Variants in GRID2 observed in about 807,000 individuals in gnomAD.
GRID2 encodes glutamate receptor ionotropic, delta-2.
A neutral mutation model predicts 114.8 loss-of-function variants in GRID2; 33 were observed. The ratio of observed to expected loss-of-function variants is 0.29; its 90% CI spans 0.22 to 0.38. GRID2 has a LOEUF of 0.38. Ranked by LOEUF, GRID2 falls within the 10% of genes least tolerant of loss-of-function variation. The pLI is 1.00. For missense variants in GRID2, 1,184 were observed against 1,257.7 expected, an observed-to-expected ratio of 0.94 and a Z score of 0.89; for synonymous variants, 505 against 449.9, an observed-to-expected ratio of 1.12 and a Z score of -1.55.
At chr4:92,830,128 G>T (rs1742001445) in intron 2 of GRID2, among the ~76,000 whole-genome samples, 1 of 149,892 alleles carries the variant, frequency 6.7e-6, no homozygotes, top group Non-Finnish European at 1.5e-5. Context: ...CTAGCACTGA[G>T]GAAACACCTA....
chr4:93,474,694 C>A (rs1217669227), intron 11 of GRID2, among the ~76,000 whole-genome samples: 1 of 152,124 alleles, frequency 6.6e-6, no homozygotes, highest in Non-Finnish European at 1.5e-5. Flanking sequence ...TTCCTAAATT[C>A]TCTGACATAT....
intron 11 of GRID2, among the ~76,000 whole-genome samples, chr4:93,459,396 G>A (rs1723530361): frequency 6.6e-6 from 1 of 152,036 alleles, no homozygotes; most frequent in Non-Finnish European, 1.5e-5. Flanking sequence ...TTAAGATTTG[G>A]TGAAGGACTT....
chr4:92,815,424 T>C (rs1421282028), intron 2 of GRID2, among the ~76,000 whole-genome samples: 1 of 152,126 alleles, frequency 6.6e-6, no homozygotes. Flanking sequence ...GAAAGACAAA[T>C]GACAAGTCTT....
Position 92,963,387 on chromosome 4 carries a change from G to A in GRID2, c.245-121608G>A, listed in dbSNP as rs552083428. On this transcript the variant is annotated intron_variant, in intron 2 of 15. Coordinates refer to ENST00000282020, the MANE Select transcript of GRID2 (RefSeq NM_001510.4). ...CTGCTGATATATCAACTAGGTTTAT[G>A]TAATATTCGAAATCCTTTGTTGTCA... is the stretch of plus-strand genomic sequence containing the variant. 1.4e-3 allele frequency among the ~76,000 whole-genome samples: 213 copies of A among 152,102 alleles called. 1 individual carries two copies. The highest frequency in any genetic ancestry group is 4.8e-3 in the African/African-American group (198 of 41,532).
At chr4:93,494,572 T>C (rs1261618316) in intron 12 of GRID2, among the ~76,000 whole-genome samples, 1 of 151,834 alleles carries the variant, frequency 6.6e-6, no homozygotes. Context: ...AAGGGAATTT[T>C]CCCTGGAAAA....
At chr4:93,473,880 A>T (rs111541592) in intron 11 of GRID2, among the ~76,000 whole-genome samples, 59 of 152,114 alleles carry the variant, frequency 3.9e-4, no homozygotes, top group African/African-American at 1.1e-3. Flanking sequence ...GAAACTTGGA[A>T]AAAGCAGCAA....
chr4:92,443,869 G>C (rs62312212), intron 1 of GRID2, among the ~76,000 whole-genome samples: 21,554 of 152,220 alleles, frequency 0.14, 1,849 homozygotes, highest in South Asian at 0.21. Context: ...CCAAGGGAAG[G>C]CTGCCTTTCC....
chr4:92,456,393 G>A lies in GRID2; in HGVS notation c.89-133738G>A, dbSNP rs1273073143. 2.0e-5 allele frequency among the ~76,000 whole-genome samples: 3 copies of A among 151,980 alleles called. 1 individual carries two copies. Among genetic ancestry groups the A allele is most frequent in the East Asian group, 3.9e-4 (2 of 5,180 alleles). On this transcript the variant is annotated intron_variant, in intron 1 of 15. Transcript: ENST00000282020. The stretch of plus-strand genomic sequence containing the variant: ...TCTGCACGGAAAAAAATATTGAATG[G>A]TTTATATATAAGTTTAAAATCTATT...
chr4:93,785,141 A>T (rs551508080), intron 1 of GRID2, among the ~76,000 whole-genome samples: 1 of 152,350 alleles, frequency 6.6e-6, no homozygotes, highest in East Asian at 1.9e-4. Flanking sequence ...CACATGGGCC[A>T]GGAAAAGCAG....
chr4:92,605,550 G>A (rs1442966688), intron 2 of GRID2, among the ~76,000 whole-genome samples: 1 of 151,916 alleles, frequency 6.6e-6, no homozygotes, highest in Non-Finnish European at 1.5e-5. Context: ...AAAATCAAGG[G>A]CTCATTTTTT....
chr4:92,858,156 T>C (rs1294993753), intron 2 of GRID2, among the ~76,000 whole-genome samples: 2 of 152,220 alleles, frequency 1.3e-5, no homozygotes, highest in East Asian at 1.9e-4. Flanking sequence ...AGGAGACTTA[T>C]GTTGTCTTCA....
intron 2 of GRID2, among the ~76,000 whole-genome samples, chr4:92,691,355 A>C (rs1182882046): frequency 6.6e-6 from 1 of 152,096 alleles, no homozygotes; most frequent in African/African-American, 2.4e-5. Flanking sequence ...ACAAGCAGAT[A>C]ATCAATGAGA....
chr4:92,450,214 G>A (rs1296147567), intron 1 of GRID2, among the ~76,000 whole-genome samples: 2 of 151,968 alleles, frequency 1.3e-5, no homozygotes, highest in African/African-American at 4.8e-5. Flanking sequence ...ATCTTCTGGT[G>A]TACCTATCTT....
intron 2 of GRID2, among the ~76,000 whole-genome samples, chr4:92,737,437 T>G (rs2149328761): frequency 6.6e-6 from 1 of 152,228 alleles, no homozygotes; most frequent in African/African-American, 2.4e-5. Context: ...AACAAGCTAC[T>G]AAGAATACTC....
At chr4:92,485,710 TGA>T in intron 1 of GRID2, among the ~76,000 whole-genome samples, 1 of 151,136 alleles carries the variant, frequency 6.6e-6, no homozygotes, top group East Asian at 2.0e-4. Context: ...TAAAGAAAAA[TGA>T]GAGAGAGAAA....
At chr4:92,506,744 T>C (rs1723992738) in intron 1 of GRID2, among the ~76,000 whole-genome samples, 1 of 151,940 alleles carries the variant, frequency 6.6e-6, no homozygotes, top group Non-Finnish European at 1.5e-5. Flanking sequence ...ATACAGAGCA[T>C]TCAGGTATTC....
intron 2 of GRID2, among the ~76,000 whole-genome samples, chr4:92,686,669 A>C (rs1733921846): frequency 6.6e-6 from 1 of 152,048 alleles, no homozygotes; most frequent in Non-Finnish European, 1.5e-5. Flanking sequence ...GTTCCTACTC[A>C]GTTTGGATAC....
At chr4:92,580,364 T>C (rs1279026537) in intron 1 of GRID2, among the ~76,000 whole-genome samples, 1 of 151,418 alleles carries the variant, frequency 6.6e-6, no homozygotes, top group Non-Finnish European at 1.5e-5. Flanking sequence ...GAGTTCAGAG[T>C]TAATAAATTA....
At chr4:93,590,962 C>T (rs1293763839) in intron 13 of GRID2, among the ~76,000 whole-genome samples, 37 of 151,508 alleles carry the variant, frequency 2.4e-4, no homozygotes, top group African/African-American at 5.3e-4. Context: ...TGGGCTGAGA[C>T]GATGGGGTTT....
Sources: gnomAD v4.1 joint callset for allele counts (sites outside exome capture counted in the v4.1 genomes callset) on GRCh38, gnomAD v4.1.1 for gene constraint, MANE v1.5 for transcripts, NCBI Gene and HGNC (gene_info 2026-07-23, HGNC 2026-07-21) for gene names.